Variants in DMD observed in about 807,000 individuals in gnomAD.
The protein encoded by DMD is mutant dystrophin.
In DMD, 63 loss-of-function variants were observed where a neutral mutation model predicts 330.1. That is an observed-to-expected ratio of 0.19 (90% CI 0.16 to 0.24). The LOEUF is 0.24. DMD is among the 10% of genes least tolerant of loss of function. DMD has a pLI of 1.00. For missense variants in DMD, 3,344 were observed against 2,684.1 expected (o/e 1.25, Z -5.43); for synonymous variants, 1,223 against 959.8 (o/e 1.27, Z -5.07).
chrX:31,738,369 A>G (rs2087031712), intron 51 of DMD, among the ~76,000 whole-genome samples: 1 of 112,014 alleles, frequency 8.9e-6, no homozygotes, highest in Non-Finnish European at 1.9e-5. Context: ...CAAAATTACA[A>G]TGACATATTA....
At chrX:32,033,812 T>C (rs1338463573) in intron 44 of DMD, among the ~76,000 whole-genome samples, 1 of 111,880 alleles carries the variant, frequency 8.9e-6, no homozygotes, top group Middle Eastern at 4.2e-3. Context: ...TAATAGTCTG[T>C]TGACTTTATA....
intron 7 of DMD, among the ~76,000 whole-genome samples, chrX:32,743,206 T>C (rs1304346285): frequency 1.8e-5 from 2 of 111,316 alleles, no homozygotes; most frequent in African/African-American, 3.3e-5. Context: ...ATAAATACCT[T>C]AGCATTCTCA....
chrX:32,803,518 C>G (rs895541888), intron 7 of DMD, among the ~76,000 whole-genome samples: 1 of 109,559 alleles, frequency 9.1e-6, no homozygotes, highest in African/African-American at 3.3e-5. Context: ...TTTGTTTGCT[C>G]TTGCTGCTCT....
At chrX:32,529,143 T>A (rs1305953799) in intron 17 of DMD, among the ~76,000 whole-genome samples, 2 of 106,324 alleles carry the variant, frequency 1.9e-5, no homozygotes, top group Non-Finnish European at 3.9e-5. Context: ...GCCAGGATGG[T>A]CTCGATCTCC....
At chrX:32,423,338 A>G (rs767753609) in intron 29 of DMD, among the ~76,000 whole-genome samples, 2 of 109,172 alleles carry the variant, frequency 1.8e-5, no homozygotes, top group South Asian at 7.9e-4. Flanking sequence ...TTAAATGGAT[A>G]TGTTAACACT....
At chrX:32,112,076 G>T (rs925811642) in intron 44 of DMD, among the ~76,000 whole-genome samples, 19 of 111,206 alleles carry the variant, frequency 1.7e-4, no homozygotes, top group African/African-American at 5.0e-4. Flanking sequence ...CTTTAATTAT[G>T]GGCCAAAAAG....
chrX:32,129,728 G>GA (rs1569545527), intron 44 of DMD, among the ~76,000 whole-genome samples: 725 of 21,413 alleles, frequency 0.034, 7 homozygotes, highest in Non-Finnish European at 0.12. Context: ...AGAGAGGGAG[G>GA]GAGAGAGAGA....
intron 44 of DMD, among the ~76,000 whole-genome samples, chrX:32,122,012 C>A (rs2096638690): frequency 1.8e-5 from 2 of 110,662 alleles, no homozygotes; most frequent in Non-Finnish European, 3.8e-5. Flanking sequence ...TTTGCATTTG[C>A]TCTGTGACCC....
chrX:32,761,458 A>C (rs1411846651), intron 7 of DMD, among the ~76,000 whole-genome samples: 1 of 112,077 alleles, frequency 8.9e-6, no homozygotes, highest in Non-Finnish European at 1.9e-5. Context: ...CCCCAGAAAA[A>C]TGGCCAATGT....
chrX:33,071,201 C>T (rs2094750013), intron 1 of DMD, among the ~76,000 whole-genome samples: 1 of 110,642 alleles, frequency 9.0e-6, no homozygotes, highest in Admixed American at 9.7e-5. Context: ...CCTGTAATCC[C>T]AGCACTTTGG....
At chrX:31,756,376 A>G (rs1439769134) in intron 51 of DMD, among the ~76,000 whole-genome samples, 1 of 112,454 alleles carries the variant, frequency 8.9e-6, no homozygotes, top group Admixed American at 9.5e-5. Flanking sequence ...TTTGCCAAAC[A>G]TGTCCTAAAT....
chrX:33,080,270 T>C (rs192104909), intron 1 of DMD, among the ~76,000 whole-genome samples: 2 of 111,893 alleles, frequency 1.8e-5, no homozygotes, highest in South Asian at 3.7e-4. Context: ...GCCAACTTGT[T>C]TATACCCACA....
intron 30 of DMD, among the ~76,000 whole-genome samples, chrX:32,410,571 TCAC>T (rs1334470407): frequency 3.6e-5 from 4 of 111,680 alleles, no homozygotes; most frequent in African/African-American, 1.3e-4. Context: ...TCAGACATCT[TCAC>T]CAACTGGCAG....
intron 44 of DMD, among the ~76,000 whole-genome samples, chrX:32,137,779 C>T (rs894747175): frequency 2.7e-5 from 3 of 110,694 alleles, no homozygotes; most frequent in Non-Finnish European, 3.8e-5. Flanking sequence ...CTTCATTCTG[C>T]AGAATTCCTG....
intron 44 of DMD, among the ~76,000 whole-genome samples, chrX:32,116,787 C>T (rs1314240590): frequency 8.9e-6 from 1 of 112,053 alleles, no homozygotes; most frequent in Non-Finnish European, 1.9e-5. Context: ...CTAAAACAAA[C>T]ATTACCTTTC....
intron 11 of DMD, among the ~76,000 whole-genome samples, chrX:32,641,300 G>T (rs900303011): frequency 2.8e-5 from 3 of 107,856 alleles, no homozygotes; most frequent in African/African-American, 1.0e-4. Context: ...TGAGATCTGG[G>T]GCCAGACCTT....
chrX:32,683,536 C>T (rs906562303), intron 9 of DMD, among the ~76,000 whole-genome samples: 18 of 104,912 alleles, frequency 1.7e-4, no homozygotes, highest in East Asian at 9.2e-4. Context: ...AGCAAACTAT[C>T]GCAAGGACAA....
At chrX:31,963,805 T>TC (rs1242903025) in intron 45 of DMD, among the ~76,000 whole-genome samples, 2 of 103,468 alleles carry the variant, frequency 1.9e-5, no homozygotes, top group Admixed American at 1.0e-4. Flanking sequence ...TTTTTTTTTT[T>TC]CAAACAGAAG....
intron 44 of DMD, among the ~76,000 whole-genome samples, chrX:31,995,941 CACAG>C (rs2095582594): frequency 8.9e-6 from 1 of 111,948 alleles, no homozygotes; most frequent in African/African-American, 3.2e-5. Flanking sequence ...CACAATAGTA[CACAG>C]GACATTTGAT....
Sources: allele counts gnomAD v4.1 joint callset (sites outside exome capture counted in the v4.1 genomes callset), GRCh38; gene constraint gnomAD v4.1.1; transcripts MANE v1.5; gene names NCBI Gene and HGNC (gene_info 2026-07-23, HGNC 2026-07-21).